Variants in ADGRL2 observed in about 807,000 individuals in gnomAD.
ADGRL2 encodes the protein adhesion G protein-coupled receptor L2.
In ADGRL2, 44 loss-of-function variants were observed where a neutral mutation model predicts 157.4. That is an observed-to-expected ratio of 0.28 (90% CI 0.22 to 0.36). The LOEUF (loss-of-function observed/expected upper bound fraction) is 0.36. Ranked by LOEUF, ADGRL2 falls within the 10% of genes least tolerant of loss-of-function variation. The pLI is 1.00. For synonymous variants in ADGRL2, 585 were observed against 624.7 expected (o/e 0.94, Z 0.95); for missense variants, 1,510 against 1,768.9 (o/e 0.85, Z 2.63).
In ADGRL2 at chr1:81,866,420, T is replaced by C. The variant is rs1424065741; in HGVS notation, c.73+29363T>C. On this transcript the variant is annotated intron_variant, in intron 2 of 23. Coordinates refer to ENST00000686636, the MANE Select transcript of ADGRL2 (RefSeq NM_001366006.2). ...CAGGGACCTGTCATTTTCCTTTTTGTTCAAAGTTTTGTTTCATAGAATAGT... is the reference window on the plus strand; with the variant it reads ...CAGGGACCTGTCATTTTCCTTTTTGCTCAAAGTTTTGTTTCATAGAATAGT... 4.6e-5 allele frequency among the ~76,000 whole-genome samples: 7 copies of C among 152,186 alleles called. No homozygotes were observed. The East Asian group carries it at 9.6e-4, about 21-fold the overall frequency.
chr1:81,482,646 A>G (rs2078414191), intron 2 of ADGRL2, among the ~76,000 whole-genome samples: 1 of 152,144 alleles, frequency 6.6e-6, no homozygotes, highest in African/African-American at 2.4e-5. Context: ...TAGTAATTAT[A>G]AAACCATTAA....
At chr1:81,516,652 C>T (rs955505331) in intron 2 of ADGRL2, among the ~76,000 whole-genome samples, 3 of 152,168 alleles carry the variant, frequency 2.0e-5, no homozygotes, top group Admixed American at 6.5e-5. Flanking sequence ...TATTCGGGAA[C>T]GTAATCATGT....
intron 2 of ADGRL2, among the ~76,000 whole-genome samples, chr1:81,458,257 C>T (rs148341250): frequency 6.6e-6 from 1 of 150,626 alleles, no homozygotes; most frequent in African/African-American, 2.4e-5. Flanking sequence ...TGAGATCTAC[C>T]CTCTTAACAG....
chr1:81,353,241 T>C lies in ADGRL2; in HGVS notation c.-302+46732T>C, dbSNP rs770460505. ...TGAGACTGCATTGCCATGAAAGGTA[T>C]GAGAATCGGATCCTTGCTTGACAGA... On this transcript the variant is annotated intron_variant, in intron 1 of 24. Coordinates refer to the ADGRL2 transcript ENST00000370721. 1.1e-4 allele frequency among the ~76,000 whole-genome samples: 16 copies of C among 152,296 alleles called. 1 individual carries two copies. The highest frequency in any genetic ancestry group is 3.6e-4 in the African/African-American group (15 of 41,568).
At chr1:81,592,296 T>C (rs2081147996) in intron 3 of ADGRL2, among the ~76,000 whole-genome samples, 1 of 152,238 alleles carries the variant, frequency 6.6e-6, no homozygotes, top group African/African-American at 2.4e-5. Flanking sequence ...TGAGATCATA[T>C]GGTCTCTGTC....
At chr1:81,580,406 A>C (rs2080883226) in intron 2 of ADGRL2, among the ~76,000 whole-genome samples, 1 of 152,078 alleles carries the variant, frequency 6.6e-6, no homozygotes, top group Non-Finnish European at 1.5e-5. Flanking sequence ...AACTGGTGTT[A>C]AGAGAAAACA....
intron 3 of ADGRL2, among the ~76,000 whole-genome samples, chr1:81,614,847 T>A (rs7418647): frequency 0.34 from 50,040 of 145,326 alleles, 8,558 homozygotes; most frequent in South Asian, 0.41. Context: ...CTCTACAAAT[T>A]AAAAAAAAAA....
At chr1:81,317,643 T>C (rs1299693161) in intron 1 of ADGRL2, among the ~76,000 whole-genome samples, 1 of 152,222 alleles carries the variant, frequency 6.6e-6, no homozygotes, top group East Asian at 1.9e-4. Context: ...TTAGGGTTTA[T>C]CTTAAATTAT....
chr1:81,485,324 G>A (rs1196314170), intron 2 of ADGRL2, among the ~76,000 whole-genome samples: 1 of 151,968 alleles, frequency 6.6e-6, no homozygotes, highest in African/African-American at 2.4e-5. Flanking sequence ...CCCTGCAAAT[G>A]AATAATTAAC....
chr1:81,882,891 T>C (rs2094024432), intron 2 of ADGRL2, among the ~76,000 whole-genome samples: 1 of 152,186 alleles, frequency 6.6e-6, no homozygotes, highest in Admixed American at 6.5e-5. Flanking sequence ...ACCCAATTAC[T>C]TAGTGGTTAA....
chr1:81,797,406 T>C (rs2087644246), upstream of ADGRL2, among the ~76,000 whole-genome samples: 1 of 152,166 alleles, frequency 6.6e-6, no homozygotes, highest in Admixed American at 6.5e-5. Context: ...TTAATAGTTT[T>C]CTATAACTGT....
At chr1:81,981,246 C>G (rs756404948) in intron 18 of ADGRL2, 102 of 203,054 alleles carry the variant, frequency 5.0e-4, no homozygotes, top group Non-Finnish European at 7.7e-4. Context: ...CTGTTCATGA[C>G]GAAATCTCTC....
chr1:81,476,818 A>G (rs918889342), intron 2 of ADGRL2, among the ~76,000 whole-genome samples: 2 of 152,144 alleles, frequency 1.3e-5, no homozygotes, highest in Admixed American at 1.3e-4. Context: ...TTCATTGACT[A>G]TAGATATCCT....
At chr1:81,818,357 T>C (rs1263326280) in intron 1 of ADGRL2, among the ~76,000 whole-genome samples, 2 of 152,186 alleles carry the variant, frequency 1.3e-5, no homozygotes, top group Admixed American at 1.3e-4. Flanking sequence ...TATAATGTCT[T>C]GGATTTTACA....
At chr1:81,983,470 TA>T (rs1662231498) in intron 19 of ADGRL2, among the ~76,000 whole-genome samples, 1 of 152,058 alleles carries the variant, frequency 6.6e-6, no homozygotes. Context: ...CGCTTAGATT[TA>T]AAAGGCCATC....
upstream of ADGRL2, among the ~76,000 whole-genome samples, chr1:81,697,317 A>G (rs1008870872): frequency 6.6e-6 from 1 of 152,238 alleles, no homozygotes; most frequent in African/African-American, 2.4e-5. Context: ...CATAATTTAC[A>G]TAAAGTGCTC....
intron 3 of ADGRL2, among the ~76,000 whole-genome samples, chr1:81,612,007 G>T (rs1451410086): frequency 1.3e-5 from 2 of 152,072 alleles, no homozygotes; most frequent in African/African-American, 4.8e-5. Flanking sequence ...TGCCATGATT[G>T]TAAGTTTCCT....
In ADGRL2 at chr1:81,769,949, C is replaced by T. The variant is rs528379054; in HGVS notation, c.-101+8097C>T. ...CACGATCTTAGCTCACTGCAACCTCCACCCCTCAGGTTCAAGTGATTCTCC... is the reference window on the plus strand; with the variant it reads ...CACGATCTTAGCTCACTGCAACCTCTACCCCTCAGGTTCAAGTGATTCTCC... On this transcript the variant is annotated intron_variant, in intron 2 of 20. Coordinates refer to the ADGRL2 transcript ENST00000359929. 2.0e-5 allele frequency among the ~76,000 whole-genome samples: 3 copies of T among 151,856 alleles called. No homozygotes were observed. In the South Asian group the frequency reaches 6.2e-4, roughly 32 times the overall value.
chr1:81,865,558 T>C (rs1415878167), intron 2 of ADGRL2, among the ~76,000 whole-genome samples: 2 of 152,220 alleles, frequency 1.3e-5, no homozygotes, highest in East Asian at 1.9e-4. Context: ...TGTTTTCTCA[T>C]GTGAGATTAG....
Sources: allele counts gnomAD v4.1 joint callset (sites outside exome capture counted in the v4.1 genomes callset), GRCh38; gene constraint gnomAD v4.1.1; transcripts MANE v1.5; gene names NCBI Gene and HGNC (gene_info 2026-07-23, HGNC 2026-07-21).